Variants in IFNAR2 observed in about 807,000 individuals in gnomAD.
The protein encoded by IFNAR2 is interferon alpha/beta receptor 2.
Under a neutral mutation model 49.4 loss-of-function variants are expected in IFNAR2, and 30 were observed. That is an observed-to-expected ratio of 0.61 (90% CI 0.45 to 0.82). IFNAR2 has a LOEUF of 0.82. IFNAR2 is among the 40% of genes least tolerant of loss of function. The probability of loss-of-function intolerance (pLI) is 0.00; values close to 1 mark genes in which losing one functional copy is unlikely to be tolerated. For synonymous variants in IFNAR2, 224 were observed against 234.5 expected (o/e 0.96, Z 0.41); for missense variants, 600 against 622.7 (o/e 0.96, Z 0.39).
At chr21:33,232,397 A>T (rs2123437272) in intron 1 of IFNAR2, among the ~76,000 whole-genome samples, 1 of 152,208 alleles carries the variant, frequency 6.6e-6, no homozygotes, top group South Asian at 2.1e-4. Context: ...AAAGAGAGGT[A>T]TGTATGATGG....
intron 3 of IFNAR2, among the ~76,000 whole-genome samples, chr21:33,244,653 A>G (rs979379688): frequency 2.0e-5 from 3 of 152,232 alleles, no homozygotes; most frequent in African/African-American, 7.2e-5. Context: ...ATTTTGGTCC[A>G]GTGAACCATG....
chr21:33,247,251 TTTC>T (rs1265054582), intron 5 of IFNAR2, among the ~76,000 whole-genome samples: 104 of 95,474 alleles, frequency 1.1e-3, no homozygotes, highest in South Asian at 2.6e-3. Flanking sequence ...TCTTTCTTTC[TTTC>T]TTTTTTTTTT....
intron 1 of IFNAR2, among the ~76,000 whole-genome samples, chr21:33,232,725 G>A (rs963265641): frequency 5.3e-5 from 8 of 151,952 alleles, no homozygotes; most frequent in African/African-American, 1.9e-4. Context: ...AGGAACAGTG[G>A]GCCCTTTATG....
At position 33,241,906 on chromosome 21, in the gene IFNAR2, C is replaced by T. The variant is rs1360952096; in HGVS notation, c.-17C>T. 1 of 1,610,238 alleles carries T rather than the reference C, an allele frequency of 6.2e-7. No individual in the cohort carries two copies. The highest frequency in any genetic ancestry group is 1.7e-4 in the Middle Eastern group (1 of 6,044). On this transcript the variant is annotated 5_prime_UTR_variant, in exon 2 of 9. Transcript: ENST00000342136. The stretch of plus-strand genomic sequence containing the variant: ...TTCAGATGTAAAAGTCAAGAGAAGA[C>T]TCTAAAAATAGCAAAGATGCTTTTG...
intron 7 of IFNAR2, among the ~76,000 whole-genome samples, chr21:33,257,911 G>T (rs1988318923): frequency 6.6e-6 from 1 of 152,192 alleles, no homozygotes; most frequent in Admixed American, 6.5e-5. Context: ...CAAGGGAGAT[G>T]TGGTAAGCAG....
chr21:33,252,095 T>TCTAC (rs1160245837), intron 6 of IFNAR2: 1 of 449,602 alleles, frequency 2.2e-6, no homozygotes, highest in African/African-American at 2.1e-5. Context: ...TATCTATCTA[T>TCTAC]CTATCTATCT....
At chr21:33,238,712 G>A (rs1322507850) in intron 1 of IFNAR2, among the ~76,000 whole-genome samples, 2 of 151,486 alleles carry the variant, frequency 1.3e-5, no homozygotes, top group Non-Finnish European at 2.9e-5. Flanking sequence ...AACTCAAAGG[G>A]CAAGTGACAA....
chr21:33,254,872 G>A (rs1278150109), intron 7 of IFNAR2, among the ~76,000 whole-genome samples: 1 of 152,028 alleles, frequency 6.6e-6, no homozygotes, highest in Non-Finnish European at 1.5e-5. Context: ...ATGGGCCATT[G>A]GTCACTCATA....
chr21:33,237,679 T>C (rs1986586250), intron 1 of IFNAR2, among the ~76,000 whole-genome samples: 1 of 152,164 alleles, frequency 6.6e-6, no homozygotes, highest in Non-Finnish European at 1.5e-5. Context: ...TCTCAATGGG[T>C]ACAGTATTAT....
At chr21:33,252,118 A>ATCTATCTATC in intron 6 of IFNAR2, 1 of 459,654 alleles carries the variant, frequency 2.2e-6, no homozygotes, top group Non-Finnish European at 4.5e-6. Context: ...CTATCTATCT[A>ATCTATCTATC]TATCTGTCTA....
rs1247829751 is a variant in IFNAR2 at position 33,237,810 on chromosome 21, G to A, written c.-83-4030G>A. 3.3e-5 allele frequency among the ~76,000 whole-genome samples: 5 copies of A among 152,184 alleles called. No homozygotes were observed. The South Asian group carries it at 8.3e-4, about 25-fold the overall frequency. ...TAAGAGAATACCCCAGGTTGGATGT[G>A]TTACTGTGGCAGCAGAGAAGACTTA... On this transcript the variant is annotated intron_variant, in intron 1 of 8. Coordinates refer to ENST00000342136, the MANE Select transcript of IFNAR2 (RefSeq NM_001289125.3).
intron 1 of IFNAR2, among the ~76,000 whole-genome samples, chr21:33,239,748 C>G (rs1986774295): frequency 6.6e-6 from 1 of 151,950 alleles, no homozygotes; most frequent in African/African-American, 2.4e-5. Context: ...TGTACTCTCC[C>G]TCCTGGGGCC....
intron 1 of IFNAR2, chr21:33,233,146 A>T (rs538224299): frequency 6.5e-6 from 1 of 154,250 alleles, no homozygotes; most frequent in East Asian, 1.9e-4. Context: ...TGAAGACCGT[A>T]AAAACATAGT....
chr21:33,242,055 C>G, intron 2 of IFNAR2, 78 bp downstream of exon 2: 10 of 1,398,798 alleles, frequency 7.1e-6, no homozygotes, highest in Non-Finnish European at 9.9e-6. Flanking sequence ...GGCAGGAAGT[C>G]GCAAACTCAT....
At chr21:33,243,580 A>G (rs1364483644) in intron 2 of IFNAR2, 93 bp from the exon 3 acceptor site, 5 of 1,143,624 alleles carry the variant, frequency 4.4e-6, no homozygotes, top group Non-Finnish European at 6.6e-6. Flanking sequence ...GATACCAATA[A>G]ATGTGTGTTA....
chr21:33,248,868 C>G lies in IFNAR2; in HGVS notation c.540+14C>G. 1 of 1,572,658 alleles carries G rather than the reference C, an allele frequency of 6.4e-7. No homozygotes were observed. Among genetic ancestry groups the G allele is most frequent in the Non-Finnish European group, 8.6e-7 (1 of 1,156,296 alleles). ...ATTGTTAAGAAGGTAAGTGGCTTCT[C>G]CTGTTAGGATCAAAACAGTTCTGAG... On this transcript the variant is annotated intron_variant, in intron 6 of 8. Coordinates refer to ENST00000342136, the MANE Select transcript of IFNAR2 (RefSeq NM_001289125.3).
rs554353237 is a variant in IFNAR2, at chr21:33,234,030, T to C, written c.-84+3814T>C. Among the ~76,000 whole-genome samples the C allele has an allele frequency of 2.6e-5, 4 of 152,030 alleles. No individual in the cohort carries two copies. The East Asian group carries it at 7.7e-4, about 29-fold the overall frequency. On this transcript the variant is annotated intron_variant, in intron 1 of 8. Transcript: ENST00000342136. The stretch of plus-strand genomic sequence containing the variant: ...TAAAAGATGCTATGTGAATATATAA[T>C]ACTGCAACTTTTAATATCTTTCATA...
At chr21:33,248,982 G>A in intron 6 of IFNAR2, 128 bp downstream of exon 6, 4 of 666,558 alleles carry the variant, frequency 6.0e-6, no homozygotes, top group Non-Finnish European at 7.7e-6. Flanking sequence ...AGTATGGTCC[G>A]ACTTAGGGAA....
At chr21:33,238,868 A>G (rs1047325659) in intron 1 of IFNAR2, among the ~76,000 whole-genome samples, 1 of 152,210 alleles carries the variant, frequency 6.6e-6, no homozygotes, top group African/African-American at 2.4e-5. Context: ...AGGAGATGCA[A>G]ATCGCTCTTA....
Sources: gnomAD v4.1 joint callset for allele counts (sites outside exome capture counted in the v4.1 genomes callset) on GRCh38, gnomAD v4.1.1 for gene constraint, MANE v1.5 for transcripts, NCBI Gene and HGNC (gene_info 2026-07-23, HGNC 2026-07-21) for gene names.